The following SSR1 variants were observed in gnomAD, a reference collection of about 807,000 sequenced individuals.
SSR1 encodes the protein signal sequence receptor subunit 1.
Under a neutral mutation model 36.1 loss-of-function variants are expected in SSR1, and 13 were observed. That is an observed-to-expected ratio of 0.36 (90% confidence interval 0.23 to 0.57). SSR1 has a LOEUF of 0.57. SSR1 is among the 20% of genes least tolerant of loss of function. The probability of loss-of-function intolerance (pLI) is 0.81; values close to 1 mark genes in which losing one functional copy is unlikely to be tolerated. For synonymous variants in SSR1, 113 were observed against 118.9 expected (o/e 0.95, Z 0.32); for missense variants, 291 against 338.5 (o/e 0.86, Z 1.10).
chr6:7,302,853 A>T (rs926450873), intron 3 of SSR1, among the ~76,000 whole-genome samples: 2 of 152,160 alleles, frequency 1.3e-5, no homozygotes, highest in Admixed American at 6.5e-5. Flanking sequence ...AAAATGTGAC[A>T]AAGGGCCAGA....
At chr6:7,298,700 T>C (rs373439186) in intron 5 of SSR1, 47 bp downstream of exon 5, 2 of 1,431,604 alleles carry the variant, frequency 1.4e-6, no homozygotes, top group Non-Finnish European at 2.0e-6. Flanking sequence ...TTTCCAGTCT[T>C]ACTTTACGAG....
In SSR1 at chr6:7,294,967, T is replaced by C. The variant is rs1447431022; in HGVS notation, c.793+425A>G. ...TTCAAGTTATACTGGGTAGTTTTTC[T>C]AATAAAATGTAGTAAGAAAAATTGT... On this transcript the variant is annotated intron_variant, in intron 7 of 7. Transcript: ENST00000244763. 5 of 850,260 alleles carry C rather than the reference T, an allele frequency of 5.9e-6. No individual in the cohort carries two copies. In the Admixed American group the frequency reaches 1.1e-4, roughly 18 times the overall value. 52.7% of individuals were successfully genotyped at this position (850,260 alleles called of 1,614,324 possible). A position where few individuals can be genotyped will look rare whatever the true frequency, so the allele number is the denominator to read the frequency against.
intron 1 of SSR1, among the ~76,000 whole-genome samples, chr6:7,312,048 A>G (rs1758205621): frequency 6.6e-6 from 1 of 152,224 alleles, no homozygotes; most frequent in Non-Finnish European, 1.5e-5. Context: ...TTTTCATCGC[A>G]AAACAACTCG....
intron 4 of SSR1, among the ~76,000 whole-genome samples, chr6:7,300,407 A>T (rs1258735551): frequency 5.3e-5 from 8 of 152,212 alleles, no homozygotes; most frequent in Non-Finnish European, 1.2e-4. Flanking sequence ...AGTATACATT[A>T]TTAAAAATCA....
chr6:7,281,612 G>A lies in SSR1; in HGVS notation c.*8252C>T, dbSNP rs1013141536. ...GTTCTCTGAGTTGTTAGATTTCAAA[G>A]TGAAGAGAACTGAAATCTCTTTTTA... On this transcript the variant is annotated 3_prime_UTR_variant, in exon 8 of 8. Coordinates refer to ENST00000244763, the MANE Select transcript of SSR1 (RefSeq NM_003144.5). The A allele has an allele frequency of 6.6e-6, 1 of 152,204 alleles. No homozygotes were observed. The highest frequency in any genetic ancestry group is 1.5e-5 in the Non-Finnish European group (1 of 68,038). 9.4% of individuals were successfully genotyped at this position (152,204 alleles called of 1,614,324 possible).
rs778131647 is a variant in SSR1, at chr6:7,295,393, G to A, written c.792C>T (p.Ile264=). 2 of 1,607,056 alleles carry A rather than the reference G, an allele frequency of 1.2e-6. No individual in the cohort carries two copies. Among genetic ancestry groups the A allele is most frequent in the Non-Finnish European group, 1.7e-6 (2 of 1,176,096 alleles). ...SWIPQETLNQ[I]NKASPRRLPR... is the part of the protein sequence containing the mutation. ...AGCCAAGTCTGTAAGACTACTTACTGATTTGATTCAATGTTTCCTGAGGAA... is the reference window on the plus strand; with the variant it reads ...AGCCAAGTCTGTAAGACTACTTACTAATTTGATTCAATGTTTCCTGAGGAA... Residue 264 remains isoleucine (I), a splice_region_variant and synonymous_variant, in exon 7 of 8, where the codon ATC becomes ATT. Coordinates refer to ENST00000244763, the MANE Select transcript of SSR1 (RefSeq NM_003144.5).
At chr6:7,304,713 T>C (rs773909797) in intron 2 of SSR1, among the ~76,000 whole-genome samples, 78 of 152,230 alleles carry the variant, frequency 5.1e-4, no homozygotes, top group Non-Finnish European at 7.5e-4. Flanking sequence ...TGCAGCATCA[T>C]TTCTCCAGGC....
Position 7,284,208 on chromosome 6 carries a change from CATG to C in SSR1, c.*5653_*5655del, listed in dbSNP as rs1438213701. 22 of 152,156 alleles carry C rather than the reference CATG, an allele frequency of 1.4e-4. No homozygotes were observed. The highest frequency in any genetic ancestry group is 7.9e-4 in the Admixed American group (12 of 15,278). 9.4% of individuals were successfully genotyped at this position (152,156 alleles called of 1,614,324 possible). ...ATTGCAAGATGATTTTCAAAAATAA[CATG>C]AACCCCAACAGCTTCACTGAGAAAT... On this transcript the variant is annotated 3_prime_UTR_variant, in exon 8 of 8. Coordinates refer to ENST00000244763, the MANE Select transcript of SSR1 (RefSeq NM_003144.5).
intron 7 of SSR1, among the ~76,000 whole-genome samples, chr6:7,294,878 A>G (rs968132806): frequency 1.3e-5 from 2 of 152,166 alleles, no homozygotes; most frequent in Non-Finnish European, 2.9e-5. Flanking sequence ...TTTTAACTGA[A>G]TATGTAATAA....
chr6:7,292,073 GA>G (rs377601274), intron 7 of SSR1, among the ~76,000 whole-genome samples: 13 of 150,176 alleles, frequency 8.7e-5, no homozygotes, highest in African/African-American at 2.0e-4. Context: ...TGTCTCAAAA[GA>G]AAAAAAAACA....
Position 7,301,290 on chromosome 6 carries a change from G to T in SSR1, c.543+20C>A. The T allele has an allele frequency of 6.2e-7, 1 of 1,606,538 alleles. No individual in the cohort carries two copies. The highest frequency in any genetic ancestry group is 8.5e-7 in the Non-Finnish European group (1 of 1,177,298). On this transcript the variant is annotated intron_variant, in intron 4 of 7. Transcript: ENST00000244763. Reference sequence around the variant, plus strand: ...CATCCATCTCTAACTTAAACAAAAAGAAGGTTTAGAGGATCTTACGTTCAA... The same window carrying T: ...CATCCATCTCTAACTTAAACAAAAATAAGGTTTAGAGGATCTTACGTTCAA...
rs2113288974 is a variant in SSR1, at chr6:7,301,341, A to G, written c.512T>C (p.Leu171Ser). The part of the protein sequence containing the change: ...AEPMGGRPFG[L>S]VINLNYKDLN... ...ATCTTTGTAGTTCAGATTGATGACC[A>G]AACCAAATGGTCGTCCGCCCATGGG... is the stretch of plus-strand genomic sequence containing the variant. The change falls in exon 4 of 8, where the codon TTG (leucine) becomes TCG (serine). Residue 171 changes from leucine to serine, a missense_variant. Coordinates refer to ENST00000244763, the MANE Select transcript of SSR1 (RefSeq NM_003144.5). 6.2e-7 allele frequency: 1 copy of G among 1,614,166 alleles called. No homozygotes were observed. Among genetic ancestry groups the G allele is most frequent in the Non-Finnish European group, 8.5e-7 (1 of 1,180,030 alleles).
chr6:7,301,264 C>G, intron 4 of SSR1, 46 bp downstream of exon 4: 1 of 1,592,716 alleles, frequency 6.3e-7, no homozygotes, highest in Non-Finnish European at 8.5e-7. Flanking sequence ...GTCACCGCCC[C>G]CATCCATCTC....
chr6:7,300,353 T>G (rs1347803736), intron 4 of SSR1, among the ~76,000 whole-genome samples: 2 of 152,206 alleles, frequency 1.3e-5, no homozygotes, highest in East Asian at 3.8e-4. Context: ...AGAGGACCTA[T>G]TTCTACTAGG....
At chr6:7,299,249 G>A (rs1473394178) in intron 4 of SSR1, among the ~76,000 whole-genome samples, 1 of 152,190 alleles carries the variant, frequency 6.6e-6, no homozygotes, top group Non-Finnish European at 1.5e-5. Flanking sequence ...GATAAAACGT[G>A]CAGAAAGAAA....
At chr6:7,306,925 G>T (rs921644361) in intron 2 of SSR1, among the ~76,000 whole-genome samples, 3 of 143,204 alleles carry the variant, frequency 2.1e-5, no homozygotes, top group Non-Finnish European at 4.7e-5. Flanking sequence ...TGGGTGGTGG[G>T]GGGGTGGGGG....
In SSR1 at chr6:7,305,048, A is replaced by G. The variant is rs563873271; in HGVS notation, c.193-1411T>C. On this transcript the variant is annotated intron_variant, in intron 2 of 7. Transcript: ENST00000244763. Reference sequence around the variant, plus strand: ...GTTTCTATTCTGAGAAAAGAGACCCATAAGTAGGAAAAGAGAACAGAGACA... The same window carrying G: ...GTTTCTATTCTGAGAAAAGAGACCCGTAAGTAGGAAAAGAGAACAGAGACA... Among the ~76,000 whole-genome samples, 7 of 152,348 alleles carry G rather than the reference A, an allele frequency of 4.6e-5. No homozygotes were observed. In the East Asian group the frequency reaches 7.7e-4, roughly 17 times the overall value.
chr6:7,285,911 GA>G lies in SSR1; in HGVS notation c.*3952del, dbSNP rs1256338791. 6.6e-6 allele frequency: 1 copy of G among 152,138 alleles called. No individual in the cohort carries two copies. Among genetic ancestry groups the G allele is most frequent in the African/African-American group, 2.4e-5 (1 of 41,436 alleles). 9.4% of individuals were successfully genotyped at this position (152,138 alleles called of 1,614,324 possible). A position where few individuals can be genotyped will look rare whatever the true frequency, so the allele number is the denominator to read the frequency against. ...GACATTTAAAGGTATGTCATTAACA[GA>G]AATTTAAAAGGGTATTGTGGGTAAC... On this transcript the variant is annotated 3_prime_UTR_variant, in exon 8 of 8. Transcript: ENST00000244763. The surrounding 1 kb of genome is among the most constrained non-coding windows in gnomAD (Gnocchi z 4.1).
Position 7,306,688 on chromosome 6 carries a change from G to A in SSR1, c.193-3051C>T, listed in dbSNP as rs574041784. 1.3e-3 allele frequency among the ~76,000 whole-genome samples: 193 copies of A among 151,038 alleles called. 2 individuals are homozygous for A. Among genetic ancestry groups the A allele is most frequent in the Non-Finnish European group, 2.7e-4 (18 of 67,706 alleles). Reference sequence around the variant, plus strand: ...TCCCAGCACTTCGGGAGGCCGAGGCGGGCGGATCACGAGGTCAGGAGATCG... The same window carrying A: ...TCCCAGCACTTCGGGAGGCCGAGGCAGGCGGATCACGAGGTCAGGAGATCG... On this transcript the variant is annotated intron_variant, in intron 2 of 7. Coordinates refer to ENST00000244763, the MANE Select transcript of SSR1 (RefSeq NM_003144.5).
Sources: gnomAD v4.1 joint callset for allele counts (sites outside exome capture counted in the v4.1 genomes callset) on GRCh38, gnomAD v4.1.1 for gene constraint, Gnocchi (gnomAD v3.1) non-coding constraint, MANE v1.5 for transcripts, NCBI Gene and HGNC (gene_info 2026-07-23, HGNC 2026-07-21) for gene names.